CPED1: variants seen among roughly 807,000 people sequenced by gnomAD.
CPED1 encodes cadherin like and PC-esterase domain containing 1, also known as cadherin-like and PC-esterase domain-containing protein 1.
Under a neutral mutation model 128.2 loss-of-function variants are expected in CPED1, and 114 were observed. That is an observed-to-expected ratio of 0.89 (90% CI 0.76 to 1.04). The LOEUF is 1.04. Among genes scored for constraint, CPED1 ranks in the 50% least tolerant of loss-of-function variants. The pLI is 0.00. For synonymous variants in CPED1, 462 were observed against 426.7 expected (o/e 1.08, Z -1.02); for missense variants, 1,211 against 1,207.1 (o/e 1.00, Z -0.05).
chr7:120,989,557 A>T lies in CPED1; in HGVS notation c.-65A>T, dbSNP rs1796274122. 1.3e-6 allele frequency: 2 copies of T among 1,579,962 alleles called. No individual in the cohort carries two copies. The highest frequency in any genetic ancestry group is 3.8e-5 in the Admixed American group (2 of 53,294). ...AGACAGATTAGTATTTTTCATGCTG[A>T]CAAAAAATAGCTGCTATGACTTTTC... On this transcript the variant is annotated 5_prime_UTR_variant, in exon 2 of 23. Transcript: ENST00000310396.
intron 22 of CPED1, among the ~76,000 whole-genome samples, chr7:121,288,768 T>C (rs1421428101): frequency 2.0e-5 from 3 of 152,222 alleles, no homozygotes; most frequent in Non-Finnish European, 4.4e-5. Flanking sequence ...ATGTAATTAG[T>C]ATGCAGACCA....
At position 121,089,048 on chromosome 7, in the gene CPED1, A is replaced by G. The variant is rs375825871; in HGVS notation, c.617-8651A>G. Among the ~76,000 whole-genome samples, 6 of 152,276 alleles carry G rather than the reference A, an allele frequency of 3.9e-5. No homozygotes were observed. In the East Asian group the frequency reaches 1.2e-3, roughly 29 times the overall value. ...CTTGGGTCCTCATCTATGAGGAGTGAACTCTTGTGTTATATGTCACTCAGC... is the reference window on the plus strand; with the variant it reads ...CTTGGGTCCTCATCTATGAGGAGTGGACTCTTGTGTTATATGTCACTCAGC... On this transcript the variant is annotated intron_variant, in intron 5 of 22. Transcript: ENST00000310396.
At chr7:121,057,909 G>A (rs1200777534) in intron 4 of CPED1, among the ~76,000 whole-genome samples, 1 of 152,098 alleles carries the variant, frequency 6.6e-6, no homozygotes, top group Non-Finnish European at 1.5e-5. Flanking sequence ...ATAAAGCAAG[G>A]AGACAAAATA....
At chr7:121,027,821 TG>T (rs1478156556) in intron 3 of CPED1, among the ~76,000 whole-genome samples, 1 of 151,546 alleles carries the variant, frequency 6.6e-6, no homozygotes. Context: ...GAAAGTCACA[TG>T]TGAGTCTCAC....
Position 121,142,046 on chromosome 7 carries a change from G to A in CPED1, c.1960G>A (p.Gly654Ser), listed in dbSNP as rs149665410. Reference sequence around the variant, plus strand: ...TGTTGTGGATGAATCTCCAGCACACGGTGAGACTCTGATCACGTACAAACT... The same window carrying A: ...TGTTGTGGATGAATCTCCAGCACACAGTGAGACTCTGATCACGTACAAACT... ...IFVVDESPAH[G>S]ETLITYKLTI... The change falls in exon 16 of 23, where the codon GGT becomes AGT. Residue 654 changes from glycine (G) to serine (S), a missense_variant. Coordinates refer to ENST00000310396, the MANE Select transcript of CPED1 (RefSeq NM_024913.5). 2.5e-5 allele frequency: 40 copies of A among 1,612,556 alleles called. No individual in the cohort carries two copies. The Middle Eastern group carries it at 6.6e-4, about 27-fold the overall frequency.
At chr7:121,148,600 A>G (rs1796080195) in intron 16 of CPED1, among the ~76,000 whole-genome samples, 1 of 152,178 alleles carries the variant, frequency 6.6e-6, no homozygotes, top group East Asian at 1.9e-4. Context: ...AACTAAAGAA[A>G]TAGGAGCAAA....
At chr7:121,294,361 T>C (rs1321802776) in intron 22 of CPED1, among the ~76,000 whole-genome samples, 2 of 152,104 alleles carry the variant, frequency 1.3e-5, no homozygotes, top group African/African-American at 2.4e-5. Context: ...AACTTATGCA[T>C]GATGCTTCTT....
At chr7:121,045,391 AG>A (rs1293828251) in intron 3 of CPED1, among the ~76,000 whole-genome samples, 4 of 152,338 alleles carry the variant, frequency 2.6e-5, no homozygotes, top group African/African-American at 9.6e-5. Context: ...TTCCAACAAC[AG>A]GACAATTAAA....
At chr7:121,102,349 T>C (rs980121145) in intron 7 of CPED1, among the ~76,000 whole-genome samples, 1 of 152,168 alleles carries the variant, frequency 6.6e-6, no homozygotes, top group African/African-American at 2.4e-5. Context: ...GCAGACATTA[T>C]TTATTCCAGC....
chr7:121,042,105 A>T (rs943591482), intron 3 of CPED1, among the ~76,000 whole-genome samples: 1 of 136,154 alleles, frequency 7.3e-6, no homozygotes, highest in Non-Finnish European at 1.5e-5. Flanking sequence ...TCTCCGCAAC[A>T]GGGAAAGAAA....
At chr7:121,052,519 C>A (rs1793381840) in intron 4 of CPED1, among the ~76,000 whole-genome samples, 1 of 152,038 alleles carries the variant, frequency 6.6e-6, no homozygotes, top group Non-Finnish European at 1.5e-5. Context: ...GCATTAGACA[C>A]CGGACAGTCT....
intron 18 of CPED1, among the ~76,000 whole-genome samples, chr7:121,245,836 G>A (rs1296484242): frequency 2.0e-5 from 3 of 151,806 alleles, no homozygotes; most frequent in African/African-American, 7.3e-5. Context: ...GATTACAGGC[G>A]CCTGCCACCA....
In CPED1 at chr7:120,989,752, C is replaced by G. The variant is rs375547307; in HGVS notation, c.131C>G (p.Ala44Gly). The G allele has an allele frequency of 4.3e-5, 69 of 1,613,986 alleles. No homozygotes were observed. The African/African-American group carries it at 8.3e-4, about 19-fold the overall frequency. The change falls in exon 2 of 23, where the codon GCT (alanine) becomes GGT (glycine). Residue 44 changes from alanine (A) to glycine (G), a missense_variant. Ala to Gly is a moderately conservative substitution (Grantham distance 60). Coordinates refer to ENST00000310396, the MANE Select transcript of CPED1 (RefSeq NM_024913.5). ...TLRGSRKLTA[A>G]APGAVPHTST... is the part of the protein sequence containing the mutation. ...CGAGGGTCGAGGAAGCTCACAGCCGCTGCCCCTGGGGCTGTCCCACACACA... is the reference window on the plus strand; with the variant it reads ...CGAGGGTCGAGGAAGCTCACAGCCGGTGCCCCTGGGGCTGTCCCACACACA...
chr7:121,261,661 A>G (rs749981166), intron 18 of CPED1: 2 of 1,611,202 alleles, frequency 1.2e-6, no homozygotes, highest in Admixed American at 1.7e-5. Context: ...GAGTTCCTAG[A>G]AGCCGTAATT....
At chr7:120,990,195 T>C (rs1456286066) in intron 2 of CPED1, among the ~76,000 whole-genome samples, 1 of 152,162 alleles carries the variant, frequency 6.6e-6, no homozygotes, top group African/African-American at 2.4e-5. Flanking sequence ...GGATTTACAA[T>C]TCAAAAACAT....
intron 3 of CPED1, among the ~76,000 whole-genome samples, chr7:121,018,815 C>A (rs1792368097): frequency 6.6e-6 from 1 of 152,008 alleles, no homozygotes; most frequent in Non-Finnish European, 1.5e-5. Context: ...ATACATATTG[C>A]ACTTTCAAAT....
intron 3 of CPED1, among the ~76,000 whole-genome samples, chr7:121,032,651 G>A (rs1407703793): frequency 6.6e-6 from 1 of 151,844 alleles, no homozygotes; most frequent in Non-Finnish European, 1.5e-5. Flanking sequence ...AACCACCACG[G>A]CACATGTATA....
At chr7:121,188,010 A>G (rs181430501) in intron 16 of CPED1, among the ~76,000 whole-genome samples, 113 of 152,294 alleles carry the variant, frequency 7.4e-4, no homozygotes, top group Middle Eastern at 3.4e-3. Context: ...AACATAAACA[A>G]TAAGAGTAAT....
chr7:121,115,023 T>C (rs962766671), intron 7 of CPED1, among the ~76,000 whole-genome samples: 1 of 152,234 alleles, frequency 6.6e-6, no homozygotes, highest in Non-Finnish European at 1.5e-5. Flanking sequence ...AATTGATTCA[T>C]ATCCTTTTGT....
Sources: gnomAD v4.1 joint callset for allele counts (sites outside exome capture counted in the v4.1 genomes callset) on GRCh38, gnomAD v4.1.1 for gene constraint, MANE v1.5 for transcripts, NCBI Gene and HGNC (gene_info 2026-07-23, HGNC 2026-07-21) for gene names.